The following ODAD2 variants were observed in gnomAD, a reference collection of about 807,000 sequenced individuals.
The protein encoded by ODAD2 is outer dynein arm docking complex subunit 2, also known as outer dynein arm-docking complex subunit 2.
In ODAD2, 89 loss-of-function variants were observed where a neutral mutation model predicts 106.8. The observed-to-expected ratio is 0.83, with a 90% CI of 0.70 to 0.99. The LOEUF (loss-of-function observed/expected upper bound fraction) is 0.99, where lower values mean the gene tolerates loss of function less well. ODAD2 is among the 50% of genes least tolerant of loss of function. The pLI is 0.00. For synonymous variants in ODAD2, 404 were observed against 436.2 expected, an observed-to-expected ratio of 0.93 and a Z score of 0.92; for missense variants, 1,168 against 1,238.5, an observed-to-expected ratio of 0.94 and a Z score of 0.85.
chr10:27,982,912 T>C (rs951826572), intron 6 of ODAD2, among the ~76,000 whole-genome samples: 1 of 152,214 alleles, frequency 6.6e-6, no homozygotes, highest in African/African-American at 2.4e-5. Context: ...ACCCAGCCTC[T>C]ACTTTGTGCT....
rs1270480857 is a variant in ODAD2 at position 27,936,824 on chromosome 10, G to C, written c.2154C>G (p.Pro718=). ...DLVRLHGGLK[P]LASLLNNTDN... is the part of the protein sequence containing the mutation. ...CAGTGTTATTGAGTAGACTGGCCAA[G>C]GGCTTAAGTCCTCCGTGCAGCCTAA... Residue 718 remains proline (P), a synonymous_variant, in exon 15 of 20, where the codon CCC becomes CCG. Transcript: ENST00000305242. 6.2e-7 allele frequency: 1 copy of C among 1,613,928 alleles called. No homozygotes were observed.
At chr10:27,828,071 A>G (rs932711818) in intron 19 of ODAD2, among the ~76,000 whole-genome samples, 1 of 152,214 alleles carries the variant, frequency 6.6e-6, no homozygotes, top group African/African-American at 2.4e-5. Flanking sequence ...GGGGATGTCA[A>G]TATTATAGTA....
chr10:27,999,281 C>T (rs1484881236), upstream of ODAD2, among the ~76,000 whole-genome samples: 3 of 152,172 alleles, frequency 2.0e-5, no homozygotes, highest in Admixed American at 2.0e-4. Context: ...TAGCAGAAAA[C>T]TTAAAATGGA....
At chr10:27,937,948 T>G (rs1321770913) in intron 14 of ODAD2, among the ~76,000 whole-genome samples, 1 of 152,176 alleles carries the variant, frequency 6.6e-6, no homozygotes, top group Non-Finnish European at 1.5e-5. Flanking sequence ...AGAGGTTTTT[T>G]GTTTTTTGTT....
intron 16 of ODAD2, among the ~76,000 whole-genome samples, chr10:27,917,975 G>C (rs999774873): frequency 7.9e-5 from 12 of 151,840 alleles, no homozygotes; most frequent in African/African-American, 2.9e-4. Context: ...AGAAGGAATT[G>C]AAAATCTACA....
chr10:27,833,807 G>A (rs1837658233), intron 19 of ODAD2, among the ~76,000 whole-genome samples: 1 of 152,232 alleles, frequency 6.6e-6, no homozygotes, highest in Admixed American at 6.5e-5. Context: ...CAATTGGGAA[G>A]AAGAGACGTG....
intron 19 of ODAD2, among the ~76,000 whole-genome samples, chr10:27,820,922 C>T (rs1025260636): frequency 1.3e-5 from 2 of 151,778 alleles, no homozygotes; most frequent in African/African-American, 4.8e-5. Flanking sequence ...GCTAAGATTA[C>T]AGGCATGCGC....
At chr10:27,880,055 G>A (rs569936701) in intron 17 of ODAD2, among the ~76,000 whole-genome samples, 1 of 152,240 alleles carries the variant, frequency 6.6e-6, no homozygotes, top group East Asian at 1.9e-4. Context: ...AGTTCTGCTG[G>A]TGTGGCAAAC....
At chr10:27,911,097 G>A (rs1020671954) in intron 16 of ODAD2, among the ~76,000 whole-genome samples, 11 of 152,026 alleles carry the variant, frequency 7.2e-5, no homozygotes, top group South Asian at 2.1e-4. Context: ...GAACATCGCC[G>A]CCGTCCTGCA....
intron 17 of ODAD2, among the ~76,000 whole-genome samples, chr10:27,892,146 C>T (rs1295541954): frequency 6.6e-6 from 1 of 152,150 alleles, no homozygotes; most frequent in Non-Finnish European, 1.5e-5. Flanking sequence ...ATCAGACTTA[C>T]AGCTCTTGAA....
chr10:27,945,395 G>A (rs76142618), intron 10 of ODAD2, among the ~76,000 whole-genome samples: 2,911 of 152,296 alleles, frequency 0.019, 90 homozygotes, highest in African/African-American at 0.067. Flanking sequence ...AAAGGAAAAC[G>A]TGCAGGAAGC....
intron 17 of ODAD2, among the ~76,000 whole-genome samples, chr10:27,872,705 C>G (rs548855378): frequency 3.9e-5 from 6 of 152,002 alleles, no homozygotes; most frequent in South Asian, 4.2e-4. Flanking sequence ...AGGGATGAAG[C>G]CCACTTGATC....
At chr10:27,937,734 A>C (rs1232422905) in intron 14 of ODAD2, among the ~76,000 whole-genome samples, 1 of 152,188 alleles carries the variant, frequency 6.6e-6, no homozygotes, top group Non-Finnish European at 1.5e-5. Flanking sequence ...AGAAATCCTC[A>C]TCACAGTGCA....
chr10:27,932,546 T>C (rs948746603), intron 16 of ODAD2, among the ~76,000 whole-genome samples: 2 of 152,226 alleles, frequency 1.3e-5, no homozygotes, highest in African/African-American at 4.8e-5. Flanking sequence ...GAGACAATGA[T>C]AAATTCTATA....
intron 18 of ODAD2, among the ~76,000 whole-genome samples, chr10:27,861,231 A>G (rs1049504006): frequency 2.0e-5 from 3 of 152,158 alleles, no homozygotes; most frequent in African/African-American, 7.2e-5. Flanking sequence ...GCCTCAAGTG[A>G]TCCACTCACT....
chr10:27,991,341 G>C (rs1283281362), intron 2 of ODAD2, among the ~76,000 whole-genome samples: 1 of 151,218 alleles, frequency 6.6e-6, no homozygotes, highest in Admixed American at 6.6e-5. Context: ...CTAAGGAAAA[G>C]ACCATCACGT....
intron 14 of ODAD2, among the ~76,000 whole-genome samples, chr10:27,937,108 C>T (rs1846040591): frequency 6.6e-6 from 1 of 152,142 alleles, no homozygotes; most frequent in Non-Finnish European, 1.5e-5. Context: ...AAGTACTCAG[C>T]AATTCTCCCA....
rs1380299711 is a variant in ODAD2, at chr10:27,944,887, A to G, written c.1462T>C (p.Leu488=). 1 of 1,614,052 alleles carries G rather than the reference A, an allele frequency of 6.2e-7. No homozygotes were observed. Among genetic ancestry groups the G allele is most frequent in the Non-Finnish European group, 8.5e-7 (1 of 1,180,014 alleles). ...AGGCCTCCAACATCTCTGATGGCCA[A>G]CTGGCAGGTTTCTTGAGCTAAGCTG... ...DFSLAQETCQ[L]AIRDVGGLEV... is the part of the protein sequence containing the mutation. Residue 488 remains leucine (L), a synonymous_variant, in exon 11 of 20, where the codon TTG becomes CTG. Transcript: ENST00000305242.
chr10:27,813,556 A>G (rs559755359), intron 19 of ODAD2: 2 of 152,362 alleles, frequency 1.3e-5, no homozygotes, highest in East Asian at 3.9e-4. Context: ...TTTTAAAAGT[A>G]AATTTGAATC....
Sources: allele counts gnomAD v4.1 joint callset (sites outside exome capture counted in the v4.1 genomes callset), GRCh38; gene constraint gnomAD v4.1.1; transcripts MANE v1.5; gene names NCBI Gene and HGNC (gene_info 2026-07-23, HGNC 2026-07-21).